Variants in SNTB2 observed in about 807,000 individuals in gnomAD.
SNTB2 encodes beta-2-syntrophin.
Under a neutral mutation model 46.2 loss-of-function variants are expected in SNTB2, and 34 were observed. The ratio of observed to expected loss-of-function variants is 0.74; its 90% confidence interval spans 0.56 to 0.98. The LOEUF (loss-of-function observed/expected upper bound fraction) is 0.98. Among genes scored for constraint, SNTB2 ranks in the 50% least tolerant of loss-of-function variants. SNTB2 has a pLI of 0.00. For missense variants in SNTB2, 603 were observed against 731.4 expected, an observed-to-expected ratio of 0.82 and a Z score of 2.02; for synonymous variants, 290 against 312.6, an observed-to-expected ratio of 0.93 and a Z score of 0.76.
chr16:69,299,421 G>A (rs558600002), intron 5 of SNTB2, among the ~76,000 whole-genome samples, 169 bp from the exon 6 acceptor site: 3 of 152,266 alleles, frequency 2.0e-5, no homozygotes, highest in East Asian at 3.9e-4. Flanking sequence ...GATTACAGGC[G>A]TGAGCCACCA....
At chr16:69,207,359 C>T (rs565488877) in intron 1 of SNTB2, among the ~76,000 whole-genome samples, 5 of 148,428 alleles carry the variant, frequency 3.4e-5, no homozygotes, top group Admixed American at 6.7e-5. Flanking sequence ...TTTCACTATA[C>T]GTTGGCCAGG....
chr16:69,204,878 A>C (rs1308104841), intron 1 of SNTB2, among the ~76,000 whole-genome samples: 1 of 152,216 alleles, frequency 6.6e-6, no homozygotes, highest in Non-Finnish European at 1.5e-5. Flanking sequence ...TGGTGAATGC[A>C]CTCATGGAAG....
intron 5 of SNTB2, among the ~76,000 whole-genome samples, chr16:69,284,878 A>G (rs1965087136): frequency 6.6e-6 from 1 of 152,194 alleles, no homozygotes; most frequent in African/African-American, 2.4e-5. Flanking sequence ...ACTGCACTCC[A>G]GCCTGGGCAA....
At chr16:69,270,096 A>G in intron 3 of SNTB2, 47 bp from the exon 4 acceptor site, 1 of 1,611,706 alleles carries the variant, frequency 6.2e-7, no homozygotes. Flanking sequence ...TTTTACAAAG[A>G]CGTGATTATA....
intron 4 of SNTB2, among the ~76,000 whole-genome samples, chr16:69,274,248 G>A (rs1964964966): frequency 6.6e-6 from 1 of 151,324 alleles, no homozygotes; most frequent in African/African-American, 2.4e-5. Flanking sequence ...AGAGGCGGAG[G>A]TTGCAGTGAG....
rs1171426756 is a variant in SNTB2 at position 69,187,568 on chromosome 16, C to G, written c.402C>G (p.Arg134=). The change falls in exon 1 of 7, where the codon CGC becomes CGG. Residue 134 remains arginine, a synonymous_variant. Coordinates refer to ENST00000336278, the MANE Select transcript of SNTB2 (RefSeq NM_006750.4). The part of the protein sequence containing the change: ...GGLGISIKGG[R]ENRMPILISK... ...TGGGCATCAGCATCAAGGGCGGCCG[C>G]GAGAACCGGATGCCGATCCTCATCT... 2 of 1,515,570 alleles carry G rather than the reference C, an allele frequency of 1.3e-6. No homozygotes were observed. The highest frequency in any genetic ancestry group is 1.8e-6 in the Non-Finnish European group (2 of 1,134,356). The allele number at this position is 1,515,570 out of a possible 1,614,324, so 93.9% of individuals were successfully genotyped here.
intron 1 of SNTB2, among the ~76,000 whole-genome samples, chr16:69,238,624 G>A (rs1964580399): frequency 6.6e-6 from 1 of 152,136 alleles, no homozygotes; most frequent in South Asian, 2.1e-4. Context: ...ATTGTCTAAT[G>A]TATGTCTCAA....
chr16:69,246,046 G>T (rs1046626053), intron 2 of SNTB2, among the ~76,000 whole-genome samples: 9 of 152,088 alleles, frequency 5.9e-5, no homozygotes, highest in African/African-American at 2.2e-4. Context: ...TACCTCTAGG[G>T]TGTCAAATAA....
At chr16:69,292,377 TATTATATATATATTATATATA>T (rs1965172032) in intron 5 of SNTB2, among the ~76,000 whole-genome samples, 1 of 38,864 alleles carries the variant, frequency 2.6e-5, no homozygotes, top group Non-Finnish European at 4.6e-5. Flanking sequence ...TATATATATA[TATTATATATATATTATATATA>T]TATATATATT....
chr16:69,271,165 C>T (rs1293445332), intron 4 of SNTB2, among the ~76,000 whole-genome samples: 16 of 152,062 alleles, frequency 1.1e-4, no homozygotes, highest in African/African-American at 2.4e-5. Flanking sequence ...TCTTCCTTTA[C>T]ATATATTATT....
chr16:69,187,251 G>A lies in SNTB2; in HGVS notation c.85G>A (p.Glu29Lys). The A allele has an allele frequency of 6.7e-7, 1 of 1,482,352 alleles. No individual in the cohort carries two copies. The highest frequency in any genetic ancestry group is 8.9e-7 in the Non-Finnish European group (1 of 1,120,366). The allele number at this position is 1,482,352 out of a possible 1,614,324, so 91.8% of individuals were successfully genotyped here. A position where few individuals can be genotyped will look rare whatever the true frequency, so the allele number is the denominator to read the frequency against. ...GCGGGCCACCAAAGCGGGGCTGGTG[G>A]AGCTGCTCCTGAGGGAGCGCTGGGT... ...WTRATKAGLV[E>K]LLLRERWVRV... Residue 29 changes from glutamate (E) to lysine (K), a missense_variant, in exon 1 of 7, where the codon GAG (glutamate) becomes AAG (lysine). Physicochemically the swap from Glu to Lys is moderately conservative, Grantham distance 56. Coordinates refer to ENST00000336278, the MANE Select transcript of SNTB2 (RefSeq NM_006750.4).
chr16:69,248,682 C>T (rs968919458), intron 2 of SNTB2, among the ~76,000 whole-genome samples: 3 of 151,854 alleles, frequency 2.0e-5, no homozygotes, highest in African/African-American at 4.8e-5. Flanking sequence ...TTGAGCTAGA[C>T]ATGGTGGTGG....
chr16:69,266,032 A>T (rs898909664), intron 3 of SNTB2, among the ~76,000 whole-genome samples: 4 of 152,062 alleles, frequency 2.6e-5, no homozygotes, highest in African/African-American at 9.7e-5. Context: ...TATAGAGCAG[A>T]CAGCATTTGA....
intron 4 of SNTB2, among the ~76,000 whole-genome samples, chr16:69,274,311 C>CAA (rs367924448): frequency 2.4e-5 from 3 of 125,876 alleles, no homozygotes; most frequent in Admixed American, 8.2e-5. Context: ...GACTCTATCT[C>CAA]AAAAAAAAAA....
chr16:69,291,144 A>G (rs1181698642), intron 5 of SNTB2, among the ~76,000 whole-genome samples: 1 of 152,136 alleles, frequency 6.6e-6, no homozygotes, highest in East Asian at 1.9e-4. Flanking sequence ...GGCTTTTCCT[A>G]TGTGCAGTCA....
chr16:69,234,776 C>T lies in SNTB2; in HGVS notation c.581-10826C>T, dbSNP rs529756074. Among the ~76,000 whole-genome samples, 83 of 151,082 alleles carry T rather than the reference C, an allele frequency of 5.5e-4. 2 individuals are homozygous for T. The South Asian group carries it at 0.017, about 31-fold the overall frequency. On this transcript the variant is annotated intron_variant, in intron 1 of 6. Coordinates refer to ENST00000336278, the MANE Select transcript of SNTB2 (RefSeq NM_006750.4). ...GGAGTGCAGTGGCATGATCTTGTCT[C>T]ACTGCATCTTCCACCTCCCAGGTTC... is the stretch of plus-strand genomic sequence containing the variant.
intron 2 of SNTB2, among the ~76,000 whole-genome samples, chr16:69,250,824 C>T (rs371877400): frequency 3.3e-5 from 5 of 151,638 alleles, no homozygotes; most frequent in African/African-American, 7.3e-5. Context: ...TGCAGTGAGC[C>T]GAGATTGTGC....
At chr16:69,270,062 G>T in intron 3 of SNTB2, 81 bp from the exon 4 acceptor site, 1 of 1,519,326 alleles carries the variant, frequency 6.6e-7, no homozygotes. Flanking sequence ...GAGACCCATT[G>T]TGTTAGGCCA....
intron 1 of SNTB2, among the ~76,000 whole-genome samples, chr16:69,229,643 T>G (rs1402893132): frequency 2.7e-5 from 4 of 150,592 alleles, no homozygotes; most frequent in African/African-American, 9.7e-5. Flanking sequence ...ATTGAGACCA[T>G]CCTGGCCAAC....
Sources: gnomAD v4.1 joint callset for allele counts (sites outside exome capture counted in the v4.1 genomes callset) on GRCh38, gnomAD v4.1.1 for gene constraint, MANE v1.5 for transcripts, NCBI Gene and HGNC (gene_info 2026-07-23, HGNC 2026-07-21) for gene names.